The following RGS22 variants were observed in gnomAD, a reference collection of about 807,000 sequenced individuals.
RGS22 encodes the protein regulator of G-protein signaling 22.
A neutral mutation model predicts 172.9 loss-of-function variants in RGS22; 148 were observed. The ratio of observed to expected loss-of-function variants is 0.86; its 90% CI spans 0.75 to 0.98. The LOEUF is 0.98. Ranked by LOEUF, RGS22 falls within the 50% of genes least tolerant of loss-of-function variation. The probability of loss-of-function intolerance (pLI) is 0.00; values close to 1 mark genes in which losing one functional copy is unlikely to be tolerated. For synonymous variants in RGS22, 458 were observed against 480.2 expected, an observed-to-expected ratio of 0.95 and a Z score of 0.60; for missense variants, 1,347 against 1,440.8, an observed-to-expected ratio of 0.93 and a Z score of 1.05.
chr8:100,055,173 G>C (rs887311099), intron 9 of RGS22, among the ~76,000 whole-genome samples: 2 of 152,172 alleles, frequency 1.3e-5, no homozygotes, highest in Admixed American at 6.5e-5. Context: ...CAGTAGCCAG[G>C]GGGTGGTTAC....
chr8:100,093,259 A>G (rs565552158), intron 3 of RGS22, 188 bp downstream of exon 3: 1 of 486,392 alleles, frequency 2.1e-6, no homozygotes, highest in South Asian at 3.5e-5. Flanking sequence ...TTCTTCAATA[A>G]GAATAATTTC....
At chr8:99,999,519 C>T in intron 18 of RGS22, 99 bp from the exon 19 acceptor site, 4 of 1,305,716 alleles carry the variant, frequency 3.1e-6, no homozygotes, top group Non-Finnish European at 4.2e-6. Context: ...TTTGCTGCAC[C>T]CTGAGGGGTG....
intron 3 of RGS22, among the ~76,000 whole-genome samples, chr8:100,092,372 G>C (rs1812649992): frequency 6.6e-6 from 1 of 152,062 alleles, no homozygotes. Flanking sequence ...TGGTTTGAAT[G>C]TGTCCCCCAA....
At chr8:100,019,616 A>G (rs1328238551) in intron 14 of RGS22, among the ~76,000 whole-genome samples, 2 of 152,216 alleles carry the variant, frequency 1.3e-5, no homozygotes. Flanking sequence ...GATTAACTAA[A>G]ATTGATGACA....
chr8:100,097,361 G>A (rs1198244339), intron 2 of RGS22, among the ~76,000 whole-genome samples: 1 of 152,170 alleles, frequency 6.6e-6, no homozygotes, highest in Admixed American at 6.5e-5. Context: ...ATTATTAATA[G>A]TTCATGATAC....
In RGS22 at chr8:100,063,394, A is replaced by T. The variant is rs753255389; in HGVS notation, c.1352+22T>A. 3 of 1,477,948 alleles carry T rather than the reference A, an allele frequency of 2.0e-6. No individual in the cohort carries two copies. In the South Asian group the frequency reaches 4.4e-5, roughly 22 times the overall value. The allele number at this position is 1,477,948 out of a possible 1,614,324, so 91.6% of individuals were successfully genotyped here. ...TCATAATTTGTTTTTAAAACTATTGAAAAATAAAAAAATAGAATTACCTTT... is the reference window on the plus strand; with the variant it reads ...TCATAATTTGTTTTTAAAACTATTGTAAAATAAAAAAATAGAATTACCTTT... On this transcript the variant is annotated intron_variant, in intron 8 of 27. Coordinates refer to ENST00000360863, the MANE Select transcript of RGS22 (RefSeq NM_015668.5).
chr8:100,071,931 C>G (rs188361618), intron 5 of RGS22, among the ~76,000 whole-genome samples: 69 of 152,282 alleles, frequency 4.5e-4, no homozygotes, highest in African/African-American at 1.6e-3. Context: ...GTTGGAGAGG[C>G]TCACGCCTGT....
In RGS22 at chr8:100,060,421, T is replaced by TATATATAC. The variant is rs1245783464; in HGVS notation, c.1514+2169_1514+2170insGTATATAT. On this transcript the variant is annotated intron_variant, in intron 9 of 27. Coordinates refer to ENST00000360863, the MANE Select transcript of RGS22 (RefSeq NM_015668.5). ...CTACGTGTATATATATATATATATA[T>TATATATAC]ACACACACACACACACACACGCACC... 2.4e-3 allele frequency among the ~76,000 whole-genome samples: 282 copies of TATATATAC among 119,482 alleles called. 4 individuals carry two copies. The highest frequency in any genetic ancestry group is 7.0e-3 in the African/African-American group (241 of 34,570). 78.4% of individuals were successfully genotyped at this position (119,482 alleles called of 152,430 possible).
intron 14 of RGS22, among the ~76,000 whole-genome samples, chr8:100,028,058 T>C (rs1046067148): frequency 3.3e-5 from 5 of 152,166 alleles, no homozygotes; most frequent in Non-Finnish European, 2.9e-5. Context: ...TAACCCTTCA[T>C]AGACCTTGGT....
rs568055852 is a variant in RGS22, at chr8:100,014,061, A to G, written c.2167-5492T>C. Among the ~76,000 whole-genome samples the G allele has an allele frequency of 2.4e-4, 36 of 152,248 alleles. 1 individual carries two copies. The highest frequency in any genetic ancestry group is 2.1e-4 in the Non-Finnish European group (14 of 68,008). On this transcript the variant is annotated intron_variant, in intron 14 of 27. Coordinates refer to ENST00000360863, the MANE Select transcript of RGS22 (RefSeq NM_015668.5). The stretch of plus-strand genomic sequence containing the variant: ...CCCAACTGTATTCTTACACTTCTTC[A>G]CTTTCAGTAGACTTTATCTTCCACA...
intron 14 of RGS22, among the ~76,000 whole-genome samples, chr8:100,016,000 A>G (rs973363755): frequency 6.6e-6 from 1 of 152,222 alleles, no homozygotes; most frequent in African/African-American, 2.4e-5. Context: ...TTTCATTCTG[A>G]AAAGTATCTG....
At chr8:100,004,239 G>T in intron 16 of RGS22, 141 bp from the exon 17 acceptor site, 2 of 983,114 alleles carry the variant, frequency 2.0e-6, no homozygotes, top group Non-Finnish European at 2.7e-6. Flanking sequence ...AAAGACTTTA[G>T]AATCTGGTAA....
intron 20 of RGS22, among the ~76,000 whole-genome samples, chr8:99,995,211 G>A (rs916643262): frequency 9.9e-5 from 15 of 152,110 alleles, no homozygotes; most frequent in Non-Finnish European, 1.6e-4. Context: ...CATGGGCAAG[G>A]ACTTCATGAC....
At chr8:99,963,232 A>C (rs1810396629) in intron 24 of RGS22, among the ~76,000 whole-genome samples, 1 of 152,218 alleles carries the variant, frequency 6.6e-6, no homozygotes, top group African/African-American at 2.4e-5. Flanking sequence ...TTTATGATAA[A>C]GTAAGTATAT....
intron 23 of RGS22, among the ~76,000 whole-genome samples, chr8:99,965,715 A>G (rs900448844): frequency 4.6e-5 from 7 of 152,108 alleles, no homozygotes; most frequent in Non-Finnish European, 8.8e-5. Flanking sequence ...CACTATAAAC[A>G]TTTTCATGAA....
At chr8:100,103,303 T>A (rs1421636375) in intron 2 of RGS22, among the ~76,000 whole-genome samples, 1 of 152,118 alleles carries the variant, frequency 6.6e-6, no homozygotes. Context: ...ACTACCAAAG[T>A]CCAGACCCAG....
At chr8:100,088,524 C>T (rs1244586409) in intron 3 of RGS22, among the ~76,000 whole-genome samples, 1 of 151,998 alleles carries the variant, frequency 6.6e-6, no homozygotes, top group Non-Finnish European at 1.5e-5. Flanking sequence ...AGCAAAAAAC[C>T]TCCCAGACAC....
At position 99,961,057 on chromosome 8, in the gene RGS22, C is replaced by A. The variant is rs1036298650; in HGVS notation, c.*185G>T. On this transcript the variant is annotated 3_prime_UTR_variant, in exon 28 of 28. Transcript: ENST00000360863. ...TTTAAAACTGCGAGAGTAAGACAAGCCAAATTTTCTTTATTTATTTCCCAC... is the reference window on the plus strand; with the variant it reads ...TTTAAAACTGCGAGAGTAAGACAAGACAAATTTTCTTTATTTATTTCCCAC... 1 of 370,472 alleles carries A rather than the reference C, an allele frequency of 2.7e-6. No individual in the cohort carries two copies. Among genetic ancestry groups the A allele is most frequent in the Non-Finnish European group, 5.2e-6 (1 of 190,590 alleles). 22.9% of individuals were successfully genotyped at this position (370,472 alleles called of 1,614,324 possible). A position where few individuals can be genotyped will look rare whatever the true frequency, so the allele number is the denominator to read the frequency against.
intron 20 of RGS22, among the ~76,000 whole-genome samples, chr8:99,994,492 C>T (rs145415166): frequency 1.5e-3 from 222 of 152,226 alleles, no homozygotes; most frequent in African/African-American, 5.1e-3. Flanking sequence ...AGCACCAAAT[C>T]GTGAGTGAAT....
Sources: gnomAD v4.1 joint callset for allele counts (sites outside exome capture counted in the v4.1 genomes callset) on GRCh38, gnomAD v4.1.1 for gene constraint, MANE v1.5 for transcripts, NCBI Gene and HGNC (gene_info 2026-07-23, HGNC 2026-07-21) for gene names.